The following MTDH variants were observed in gnomAD, a reference collection of about 807,000 sequenced individuals.
The protein encoded by MTDH is metadherin.
A neutral mutation model predicts 72.7 loss-of-function variants in MTDH; 34 were observed. The ratio of observed to expected loss-of-function variants is 0.47; its 90% confidence interval spans 0.36 to 0.62. The LOEUF is 0.62. Among genes scored for constraint, MTDH ranks in the 20% least tolerant of loss-of-function variants. MTDH has a pLI of 0.00. For missense variants in MTDH, 677 were observed against 699.4 expected, an observed-to-expected ratio of 0.97 and a Z score of 0.36; for synonymous variants, 266 against 268.9, an observed-to-expected ratio of 0.99 and a Z score of 0.10.
chr8:97,719,533 C>A (rs1234597515), intron 10 of MTDH, among the ~76,000 whole-genome samples: 2 of 149,014 alleles, frequency 1.3e-5, no homozygotes, highest in African/African-American at 5.0e-5. Flanking sequence ...GTTTTGTTGA[C>A]TCAAGTATTT....
intron 8 of MTDH, among the ~76,000 whole-genome samples, chr8:97,709,317 C>T (rs868149085): frequency 4.3e-5 from 6 of 139,232 alleles, no homozygotes; most frequent in Non-Finnish European, 6.1e-5. Context: ...TTAGATTGGA[C>T]CTACAAAAAG....
intron 7 of MTDH, among the ~76,000 whole-genome samples, chr8:97,700,342 T>C (rs548268198): frequency 2.0e-5 from 3 of 152,276 alleles, no homozygotes; most frequent in East Asian, 1.9e-4. Context: ...AAAAAAAAAT[T>C]ATGAGTTTTT....
chr8:97,660,695 T>G (rs940908834), intron 1 of MTDH, among the ~76,000 whole-genome samples: 1 of 152,166 alleles, frequency 6.6e-6, no homozygotes, highest in African/African-American at 2.4e-5. Context: ...CCTGTCACTT[T>G]ATAGATGTAG....
chr8:97,682,278 A>T (rs371413668), intron 2 of MTDH, among the ~76,000 whole-genome samples: 331 of 3,030 alleles, frequency 0.11, 49 homozygotes, highest in East Asian at 0.45. Context: ...ATATATATAT[A>T]TATTTTTTTT....
At chr8:97,686,385 A>T (rs1424386335) in intron 2 of MTDH, among the ~76,000 whole-genome samples, 1 of 152,138 alleles carries the variant, frequency 6.6e-6, no homozygotes, top group East Asian at 1.9e-4. Context: ...AACATCTCTA[A>T]GTTTTCATTT....
At chr8:97,713,897 A>G in intron 9 of MTDH, 128 bp downstream of exon 9, 1 of 471,020 alleles carries the variant, frequency 2.1e-6, no homozygotes, top group Non-Finnish European at 3.6e-6. Flanking sequence ...GAAAAATCAT[A>G]GACTGTTTTA....
intron 8 of MTDH, 115 bp downstream of exon 8, chr8:97,706,865 G>A (rs1814376534): frequency 7.9e-7 from 1 of 1,263,148 alleles, no homozygotes; most frequent in African/African-American, 1.5e-5. Context: ...GATTGCTTGA[G>A]CCCAGGAGTT....
chr8:97,678,985 G>A (rs930407491), intron 2 of MTDH, among the ~76,000 whole-genome samples: 3 of 152,102 alleles, frequency 2.0e-5, no homozygotes, highest in Admixed American at 6.6e-5. Flanking sequence ...GCGTTTGTAC[G>A]TTAGATGTGA....
At chr8:97,707,954 G>GGATTGGTCTTT (rs1225180917) in intron 8 of MTDH, among the ~76,000 whole-genome samples, 1 of 151,470 alleles carries the variant, frequency 6.6e-6, no homozygotes, top group African/African-American at 2.4e-5. Flanking sequence ...ACAAGTGGAT[G>GGATTGGTCTTT]GATTGGTCTT....
chr8:97,723,510 G>T (rs922486211), intron 11 of MTDH, among the ~76,000 whole-genome samples: 1 of 151,912 alleles, frequency 6.6e-6, no homozygotes, highest in Non-Finnish European at 1.5e-5. Context: ...TTGAGAGGCT[G>T]AGGCGGGCGG....
At chr8:97,683,635 C>A (rs1051149335) in intron 2 of MTDH, among the ~76,000 whole-genome samples, 4 of 151,942 alleles carry the variant, frequency 2.6e-5, no homozygotes, top group Admixed American at 6.6e-5. Context: ...CTCAAGTGAT[C>A]CTCCCACCTC....
At chr8:97,675,187 C>T (rs1812787111) in intron 2 of MTDH, among the ~76,000 whole-genome samples, 1 of 152,144 alleles carries the variant, frequency 6.6e-6, no homozygotes, top group Non-Finnish European at 1.5e-5. Context: ...GTTTATAGGG[C>T]TATAAATATT....
chr8:97,653,738 A>G (rs1219103339), intron 1 of MTDH, among the ~76,000 whole-genome samples: 3 of 152,334 alleles, frequency 2.0e-5, no homozygotes, highest in Admixed American at 6.5e-5. Flanking sequence ...ATTCAGAGAT[A>G]TAAGTGAGGA....
intron 2 of MTDH, among the ~76,000 whole-genome samples, chr8:97,666,761 G>T (rs367653507): frequency 6.6e-6 from 1 of 151,942 alleles, no homozygotes; most frequent in Non-Finnish European, 1.5e-5. Context: ...GCAGTGGCAC[G>T]ATCTCACTCA....
intron 6 of MTDH, among the ~76,000 whole-genome samples, 191 bp from the exon 7 acceptor site, chr8:97,699,563 A>G (rs1814018208): frequency 1.3e-5 from 2 of 152,360 alleles, no homozygotes; most frequent in South Asian, 4.1e-4. Flanking sequence ...TCAAGTGATT[A>G]TCATAGTTAA....
chr8:97,684,328 T>G (rs1813272892), intron 2 of MTDH, among the ~76,000 whole-genome samples: 1 of 152,188 alleles, frequency 6.6e-6, no homozygotes, highest in South Asian at 2.1e-4. Context: ...TATTTTAACT[T>G]AAAAATGTGT....
intron 7 of MTDH, among the ~76,000 whole-genome samples, chr8:97,701,224 T>TG (rs1433598191): frequency 1.3e-5 from 2 of 152,102 alleles, no homozygotes; most frequent in Non-Finnish European, 2.9e-5. Context: ...TCAGTATCCA[T>TG]GGGGGGTTGA....
intron 6 of MTDH, among the ~76,000 whole-genome samples, chr8:97,696,691 A>G (rs1452169500): frequency 6.6e-6 from 1 of 152,226 alleles, no homozygotes; most frequent in Non-Finnish European, 1.5e-5. Context: ...ATGGATTCCC[A>G]CATAATAACT....
At chr8:97,653,044 G>A (rs1395117118) in intron 1 of MTDH, among the ~76,000 whole-genome samples, 2 of 151,842 alleles carry the variant, frequency 1.3e-5, no homozygotes, top group Non-Finnish European at 2.9e-5. Flanking sequence ...GCTTGAACCC[G>A]GGAGGCGGAG....
Sources: allele counts gnomAD v4.1 joint callset (sites outside exome capture counted in the v4.1 genomes callset), GRCh38; gene constraint gnomAD v4.1.1; transcripts MANE v1.5; gene names NCBI Gene and HGNC (gene_info 2026-07-23, HGNC 2026-07-21).